The following TNIP3 variants were observed in gnomAD, a reference collection of about 807,000 sequenced individuals.
TNIP3 encodes the protein TNFAIP3 interacting protein 3.
Under a neutral mutation model 54.1 loss-of-function variants are expected in TNIP3, and 34 were observed. That is an observed-to-expected ratio of 0.63 (90% CI 0.48 to 0.84). The LOEUF (loss-of-function observed/expected upper bound fraction) is 0.84. Ranked by LOEUF, TNIP3 falls within the 40% of genes least tolerant of loss-of-function variation. The probability of loss-of-function intolerance (pLI) is 0.00; values close to 1 mark genes in which losing one functional copy is unlikely to be tolerated. For synonymous variants in TNIP3, 134 were observed against 136.8 expected (o/e 0.98, Z 0.14); for missense variants, 366 against 387.6 (o/e 0.94, Z 0.47).
chr4:121,142,482 A>C (rs1009857042), intron 8 of TNIP3, among the ~76,000 whole-genome samples: 1 of 152,210 alleles, frequency 6.6e-6, no homozygotes, highest in South Asian at 2.1e-4. Context: ...TTGTGGGTCT[A>C]AGGAGCACTA....
intron 3 of TNIP3, among the ~76,000 whole-genome samples, chr4:121,176,354 CA>C (rs1724335435): frequency 1.3e-5 from 2 of 152,000 alleles, no homozygotes; most frequent in Admixed American, 1.3e-4. Context: ...GATCCTCACA[CA>C]ACAATGCAAC....
At chr4:121,173,197 T>C (rs902178489) in intron 3 of TNIP3, among the ~76,000 whole-genome samples, 1 of 152,148 alleles carries the variant, frequency 6.6e-6, no homozygotes, top group Non-Finnish European at 1.5e-5. Context: ...TTACCAATGA[T>C]GGAAAAGCAT....
chr4:121,216,313 T>G, intron 2 of TNIP3: 1 of 999,584 alleles, frequency 1.0e-6, no homozygotes, highest in East Asian at 2.6e-5. Flanking sequence ...TTCAGACAGC[T>G]TCTCTTCTAC....
At chr4:121,221,990 G>A (rs1015400067) in intron 1 of TNIP3, among the ~76,000 whole-genome samples, 16 of 152,292 alleles carry the variant, frequency 1.1e-4, no homozygotes, top group African/African-American at 3.9e-4. Flanking sequence ...CTAAGATTCT[G>A]TCTGTCACCA....
chr4:121,148,567 T>C (rs1203756126), intron 6 of TNIP3, among the ~76,000 whole-genome samples: 1 of 152,108 alleles, frequency 6.6e-6, no homozygotes, highest in Non-Finnish European at 1.5e-5. Flanking sequence ...GGGTTGAGAG[T>C]TTGACAGAGC....
At chr4:121,132,969 T>C (rs1033093127) in intron 10 of TNIP3, among the ~76,000 whole-genome samples, 1 of 152,206 alleles carries the variant, frequency 6.6e-6, no homozygotes. Context: ...CATGTGAAAG[T>C]AAGTCATATA....
rs1204627581 is a variant in TNIP3 at position 121,138,704 on chromosome 4, A to T, written c.886-20T>A. On this transcript the variant is annotated intron_variant, in intron 9 of 10. Coordinates refer to ENST00000057513, the MANE Select transcript of TNIP3 (RefSeq NM_024873.6). ...GTCTGGCTGTGTGGAACAATACAACATTATTATAGCAATATGGACTTCAAA... is the reference window on the plus strand; with the variant it reads ...GTCTGGCTGTGTGGAACAATACAACTTTATTATAGCAATATGGACTTCAAA... 1.2e-6 allele frequency: 2 copies of T among 1,607,906 alleles called. No individual in the cohort carries two copies. Among genetic ancestry groups the T allele is most frequent in the Non-Finnish European group, 1.7e-6 (2 of 1,174,388 alleles).
intron 1 of TNIP3, among the ~76,000 whole-genome samples, chr4:121,163,629 A>T (rs1305818918): frequency 6.6e-6 from 1 of 152,210 alleles, no homozygotes; most frequent in Non-Finnish European, 1.5e-5. Context: ...TGTAAAAGAA[A>T]ACTAGAAAAT....
chr4:121,145,157 T>C (rs1480911491), intron 7 of TNIP3, among the ~76,000 whole-genome samples: 1 of 152,228 alleles, frequency 6.6e-6, no homozygotes, highest in African/African-American at 2.4e-5. Context: ...ACAAATAATA[T>C]GTTATTCAAC....
chr4:121,210,466 A>G (rs1032604175), intron 2 of TNIP3, among the ~76,000 whole-genome samples: 1 of 152,242 alleles, frequency 6.6e-6, no homozygotes, highest in African/African-American at 2.4e-5. Context: ...AAATCATTAT[A>G]GATCAACAAG....
intron 2 of TNIP3, among the ~76,000 whole-genome samples, chr4:121,194,774 G>A (rs76888333): frequency 0.022 from 3,297 of 152,000 alleles, 76 homozygotes; most frequent in Admixed American, 0.035. Context: ...TAAACAAATA[G>A]GCTCTGTTGG....
chr4:121,141,785 T>G, intron 9 of TNIP3, 31 bp downstream of exon 9: 1 of 1,414,782 alleles, frequency 7.1e-7, no homozygotes, highest in East Asian at 2.5e-5. Context: ...AACAGTATAC[T>G]AAGCACTTTT....
chr4:121,215,128 A>G (rs1186442465), intron 2 of TNIP3, among the ~76,000 whole-genome samples: 5 of 152,128 alleles, frequency 3.3e-5, no homozygotes, highest in Non-Finnish European at 7.4e-5. Context: ...AATTTTAAAC[A>G]CTATTGTTAG....
intron 10 of TNIP3, among the ~76,000 whole-genome samples, chr4:121,133,109 G>C (rs572477589): frequency 6.6e-6 from 1 of 152,272 alleles, no homozygotes; most frequent in South Asian, 2.1e-4. Flanking sequence ...ACTTGTTGGT[G>C]TATCATGAAG....
chr4:121,207,844 G>A (rs962654958), intron 2 of TNIP3, among the ~76,000 whole-genome samples: 4 of 152,112 alleles, frequency 2.6e-5, no homozygotes, highest in African/African-American at 9.7e-5. Context: ...ATATGGTTTG[G>A]CTGTGTCCTC....
chr4:121,179,035 G>C (rs761932628), intron 3 of TNIP3, among the ~76,000 whole-genome samples: 2 of 152,174 alleles, frequency 1.3e-5, no homozygotes, highest in Non-Finnish European at 2.9e-5. Flanking sequence ...AGGGTGAAAA[G>C]GTTTCAAAAC....
At chr4:121,178,619 C>G (rs1163221588) in intron 3 of TNIP3, among the ~76,000 whole-genome samples, 1 of 152,114 alleles carries the variant, frequency 6.6e-6, no homozygotes, top group Non-Finnish European at 1.5e-5. Context: ...CTTCATGACA[C>G]CAGGATGGGT....
At chr4:121,192,165 C>A (rs1725337933) in intron 2 of TNIP3, among the ~76,000 whole-genome samples, 1 of 152,076 alleles carries the variant, frequency 6.6e-6, no homozygotes, top group African/African-American at 2.4e-5. Context: ...AGTTCGTGTG[C>A]ATACAAAAAA....
At chr4:121,159,255 G>T (rs1730300454) in intron 2 of TNIP3, among the ~76,000 whole-genome samples, 1 of 150,916 alleles carries the variant, frequency 6.6e-6, no homozygotes, top group African/African-American at 2.4e-5. Flanking sequence ...GGAAAGAAAA[G>T]AAAAAAAAGA....
Sources: allele counts gnomAD v4.1 joint callset (sites outside exome capture counted in the v4.1 genomes callset), GRCh38; gene constraint gnomAD v4.1.1; transcripts MANE v1.5; gene names NCBI Gene and HGNC (gene_info 2026-07-23, HGNC 2026-07-21).